ARFGEF2: variants seen among roughly 807,000 people sequenced by gnomAD.
The protein encoded by ARFGEF2 is ARF guanine nucleotide exchange factor 2, also known as brefeldin A-inhibited guanine nucleotide-exchange protein 2.
Under a neutral mutation model 219.9 loss-of-function variants are expected in ARFGEF2, and 74 were observed. The ratio of observed to expected loss-of-function variants is 0.34; its 90% CI spans 0.28 to 0.41. The LOEUF is 0.41. Ranked by LOEUF, ARFGEF2 falls within the 10% of genes least tolerant of loss-of-function variation. The pLI, the probability that ARFGEF2 is intolerant of heterozygous loss-of-function variation, is 1.00. For synonymous variants in ARFGEF2, 733 were observed against 799.2 expected, an observed-to-expected ratio of 0.92 and a Z score of 1.40; for missense variants, 1,743 against 2,218.3, an observed-to-expected ratio of 0.79 and a Z score of 4.30.
At chr20:49,024,279 T>C (rs1329781976) in intron 35 of ARFGEF2, among the ~76,000 whole-genome samples, 2 of 152,106 alleles carry the variant, frequency 1.3e-5, no homozygotes, top group African/African-American at 2.4e-5. Flanking sequence ...GGCCTACATA[T>C]CAGATTCTTG....
At chr20:48,946,572 C>T (rs185210010) in intron 3 of ARFGEF2, among the ~76,000 whole-genome samples, 46 of 151,866 alleles carry the variant, frequency 3.0e-4, no homozygotes, top group African/African-American at 1.1e-3. Context: ...GTTACCTAGG[C>T]TGGAGTGCAG....
At position 48,984,846 on chromosome 20, in the gene ARFGEF2, G is replaced by A. The variant is rs1459288386; in HGVS notation, c.2070+6G>A. 6.2e-6 allele frequency: 10 copies of A among 1,612,168 alleles called. No individual in the cohort carries two copies. Among genetic ancestry groups the A allele is most frequent in the Admixed American group, 1.7e-5 (1 of 60,002 alleles). Reference sequence around the variant, plus strand: ...AGGAGGAGCGCCTGGATTCCGTAAGGCTTGGGGGTGTAGCACTTGCATGTG... The same window carrying A: ...AGGAGGAGCGCCTGGATTCCGTAAGACTTGGGGGTGTAGCACTTGCATGTG... On this transcript the variant is annotated splice_donor_region_variant and intron_variant, in intron 15 of 38. Coordinates refer to ENST00000371917, the MANE Select transcript of ARFGEF2 (RefSeq NM_006420.3).
At chr20:49,007,906 C>G (rs907913441) in intron 26 of ARFGEF2, among the ~76,000 whole-genome samples, 29 of 151,774 alleles carry the variant, frequency 1.9e-4, no homozygotes, top group African/African-American at 6.3e-4. Context: ...GCACGGAAGC[C>G]CTCAACTCCT....
rs768631378 is a variant in ARFGEF2 at position 48,952,690 on chromosome 20, G to A, written c.424-15G>A. On this transcript the variant is annotated splice_polypyrimidine_tract_variant and intron_variant, in intron 4 of 38. Coordinates refer to ENST00000371917, the MANE Select transcript of ARFGEF2 (RefSeq NM_006420.3). Reference sequence around the variant, plus strand: ...GTGCGTTCCTGATGGTGAAGGTCGCGGATTTCTATTTTAGGCTCTTCTGAC... The same window carrying A: ...GTGCGTTCCTGATGGTGAAGGTCGCAGATTTCTATTTTAGGCTCTTCTGAC... 2.3e-5 allele frequency: 37 copies of A among 1,614,092 alleles called. No homozygotes were observed. In the East Asian group the frequency reaches 5.8e-4, roughly 25 times the overall value.
At chr20:49,003,714 G>C (rs985736753) in intron 25 of ARFGEF2, among the ~76,000 whole-genome samples, 2 of 152,186 alleles carry the variant, frequency 1.3e-5, no homozygotes, top group East Asian at 3.9e-4. Flanking sequence ...CTCCTGGCAG[G>C]GGGTGTGGGT....
intron 27 of ARFGEF2, 95 bp from the exon 28 acceptor site, chr20:49,011,829 G>A (rs188464375): frequency 6.1e-5 from 76 of 1,246,614 alleles, no homozygotes; most frequent in Middle Eastern, 5.7e-4. Flanking sequence ...TATCTCTGAT[G>A]TATGTGTGTG....
At chr20:48,984,085 T>C (rs2091312085) in intron 14 of ARFGEF2, among the ~76,000 whole-genome samples, 1 of 150,600 alleles carries the variant, frequency 6.6e-6, no homozygotes, top group Non-Finnish European at 1.5e-5. Flanking sequence ...AAATACAAAA[T>C]AACATGCTTA....
chr20:48,957,644 T>C (rs1474786505), intron 6 of ARFGEF2, among the ~76,000 whole-genome samples: 1 of 152,222 alleles, frequency 6.6e-6, no homozygotes, highest in Non-Finnish European at 1.5e-5. Flanking sequence ...ATGGACTTAG[T>C]AGTGGTTATC....
chr20:48,926,838 C>T (rs6066916), intron 1 of ARFGEF2, among the ~76,000 whole-genome samples: 70,846 of 152,036 alleles, frequency 0.47, 18,080 homozygotes, highest in African/African-American at 0.67. Flanking sequence ...TGCCCATCCA[C>T]ATCCACACAG....
At chr20:48,923,331 A>G (rs759532085) in intron 1 of ARFGEF2, among the ~76,000 whole-genome samples, 1 of 152,242 alleles carries the variant, frequency 6.6e-6, no homozygotes, top group Non-Finnish European at 1.5e-5. Context: ...CATTTGCTAC[A>G]AAGTATAGAG....
chr20:49,033,321 G>A lies in ARFGEF2; in HGVS notation c.*122G>A, dbSNP rs1341410902. On this transcript the variant is annotated 3_prime_UTR_variant, in exon 39 of 39. Transcript: ENST00000371917. Reference sequence around the variant, plus strand: ...GGCATCTTGGATCTCAGAATGGCCTGGAAACGGATGGCCTCTACGCTGTTC... The same window carrying A: ...GGCATCTTGGATCTCAGAATGGCCTAGAAACGGATGGCCTCTACGCTGTTC... 2.8e-6 allele frequency: 3 copies of A among 1,082,990 alleles called. No individual in the cohort carries two copies. The highest frequency in any genetic ancestry group is 5.1e-5 in the East Asian group (2 of 39,388). The allele number at this position is 1,082,990 out of a possible 1,614,324, so 67.1% of individuals were successfully genotyped here.
chr20:49,012,417 A>G (rs1241404171), intron 28 of ARFGEF2, among the ~76,000 whole-genome samples: 1 of 152,240 alleles, frequency 6.6e-6, no homozygotes, highest in East Asian at 1.9e-4. Context: ...CTTGTAGGAA[A>G]TGGCATTATG....
At chr20:49,012,108 A>T (rs768975194) in intron 28 of ARFGEF2, 24 bp downstream of exon 28, 2 of 1,614,016 alleles carry the variant, frequency 1.2e-6, no homozygotes, top group African/African-American at 2.7e-5. Flanking sequence ...CACCTTACTC[A>T]GATGGGCAGT....
At chr20:49,008,912 T>C (rs2091479552) in intron 26 of ARFGEF2, among the ~76,000 whole-genome samples, 1 of 152,128 alleles carries the variant, frequency 6.6e-6, no homozygotes, top group South Asian at 2.1e-4. Context: ...TTCACCGTGT[T>C]GGCCAGGCTG....
At chr20:49,019,068 A>G in intron 34 of ARFGEF2, 70 bp downstream of exon 34, 6 of 1,314,118 alleles carry the variant, frequency 4.6e-6, no homozygotes, top group Non-Finnish European at 6.4e-6. Flanking sequence ...AGAAGGCACA[A>G]AAGGGTAAAC....
intron 23 of ARFGEF2, 133 bp from the exon 24 acceptor site, chr20:48,998,060 A>G (rs775127594): frequency 8.0e-5 from 62 of 778,242 alleles, no homozygotes; most frequent in Non-Finnish European, 1.2e-4. Context: ...AGGTTTCACC[A>G]TGTTGGCCAG....
intron 3 of ARFGEF2, among the ~76,000 whole-genome samples, chr20:48,947,863 A>G (rs1383555913): frequency 6.6e-6 from 1 of 152,210 alleles, no homozygotes; most frequent in African/African-American, 2.4e-5. Flanking sequence ...CTCAAAATAA[A>G]TATATAAATA....
At chr20:48,966,255 A>G (rs2091186192) in intron 8 of ARFGEF2, among the ~76,000 whole-genome samples, 1 of 152,186 alleles carries the variant, frequency 6.6e-6, no homozygotes, top group Non-Finnish European at 1.5e-5. Context: ...GACTTCTAAT[A>G]CTTAAATTTC....
chr20:48,991,481 T>A (rs1409809085), intron 21 of ARFGEF2, among the ~76,000 whole-genome samples: 2 of 151,692 alleles, frequency 1.3e-5, no homozygotes, highest in African/African-American at 4.8e-5. Context: ...TTTTTTTTTT[T>A]AGTCCTTATG....
Sources: gnomAD v4.1 joint callset for allele counts (sites outside exome capture counted in the v4.1 genomes callset) on GRCh38, gnomAD v4.1.1 for gene constraint, MANE v1.5 for transcripts, NCBI Gene and HGNC (gene_info 2026-07-23, HGNC 2026-07-21) for gene names.